MICAL3: variants seen among roughly 807,000 people sequenced by gnomAD.
MICAL3 encodes microtubule associated monooxygenase, calponin and LIM domain containing 3.
In MICAL3, 62 loss-of-function variants were observed where a neutral mutation model predicts 207.4. That is an observed-to-expected ratio of 0.30 (90% CI 0.24 to 0.37). The LOEUF is 0.37. MICAL3 is among the 10% of genes least tolerant of loss of function. MICAL3 has a pLI of 1.00. For missense variants in MICAL3, 2,368 were observed against 2,635.6 expected (o/e 0.90, Z 2.22); for synonymous variants, 1,077 against 1,069.3 (o/e 1.01, Z -0.14).
At chr22:17,817,206 C>G in intron 26 of MICAL3, 105 bp downstream of exon 26, 1 of 1,377,698 alleles carries the variant, frequency 7.3e-7, no homozygotes, top group South Asian at 1.5e-5. Context: ...TCCTGAGAAC[C>G]CTCGGCGGGG....
intron 1 of MICAL3, among the ~76,000 whole-genome samples, chr22:17,964,905 C>G (rs1399296776): frequency 1.3e-5 from 2 of 152,214 alleles, no homozygotes; most frequent in Non-Finnish European, 2.9e-5. Flanking sequence ...GCACTGCTGA[C>G]CGTAAGCGCA....
chr22:17,881,407 G>T, intron 16 of MICAL3: 1 of 930,874 alleles, frequency 1.1e-6, no homozygotes, highest in Non-Finnish European at 1.7e-6. Flanking sequence ...AGCACCCCAG[G>T]GAGGCCTTTC....
rs9618125 is a variant in MICAL3, at chr22:17,817,210, G to A, written c.5350+101C>T. The A allele has an allele frequency of 5.9e-3, 8,146 of 1,388,538 alleles. 401 individuals carry two copies. In the African/African-American group the frequency reaches 0.1, roughly 18 times the overall value. 86.0% of individuals were successfully genotyped at this position (1,388,538 alleles called of 1,614,324 possible). On this transcript the variant is annotated intron_variant, in intron 26 of 31. Coordinates refer to ENST00000441493, the MANE Select transcript of MICAL3 (RefSeq NM_015241.3). ...GTCAGCACGGCTCCTGAGAACCCTC[G>A]GCGGGGAGCGTGTGAGTGTGGATCC... is the stretch of plus-strand genomic sequence containing the variant.
At chr22:17,889,712 C>T (rs1265892415) in intron 12 of MICAL3, among the ~76,000 whole-genome samples, 1 of 152,148 alleles carries the variant, frequency 6.6e-6, no homozygotes, top group Non-Finnish European at 1.5e-5. Context: ...GAGGCTGAGG[C>T]AGGAGAATCA....
chr22:17,946,445 T>C (rs1268728536), intron 1 of MICAL3, among the ~76,000 whole-genome samples: 1 of 152,194 alleles, frequency 6.6e-6, no homozygotes, highest in Non-Finnish European at 1.5e-5. Flanking sequence ...TTTCATTTAG[T>C]GTAGGGAACT....
At chr22:17,930,096 C>G (rs1447132967) in intron 1 of MICAL3, among the ~76,000 whole-genome samples, 2 of 151,960 alleles carry the variant, frequency 1.3e-5, no homozygotes, top group African/African-American at 4.8e-5. Flanking sequence ...CACAGGAAGT[C>G]CATCAAAACC....
At chr22:18,013,746 C>T (rs565505640) in intron 1 of MICAL3, among the ~76,000 whole-genome samples, 3 of 152,200 alleles carry the variant, frequency 2.0e-5, no homozygotes, top group African/African-American at 7.2e-5. Flanking sequence ...ACTTTTAGTC[C>T]AAAGATTACT....
chr22:17,813,937 C>T (rs893083077), intron 27 of MICAL3: 15 of 152,164 alleles, frequency 9.9e-5, no homozygotes, highest in South Asian at 4.1e-4. Context: ...TCTTGTAGGT[C>T]GGGCTACAGG....
intron 21 of MICAL3, among the ~76,000 whole-genome samples, chr22:17,828,269 C>T (rs546170651): frequency 6.6e-6 from 1 of 152,370 alleles, no homozygotes; most frequent in Admixed American, 6.5e-5. Flanking sequence ...ACCACTCGCC[C>T]AGCTGATGGC....
chr22:17,857,540 C>CAGAA (rs1926070939), intron 19 of MICAL3, among the ~76,000 whole-genome samples: 1 of 152,332 alleles, frequency 6.6e-6, no homozygotes, highest in African/African-American at 2.4e-5. Context: ...TCACAGAACA[C>CAGAA]AGAATAAGGA....
chr22:17,865,023 A>G, intron 18 of MICAL3, 37 bp from the exon 19 acceptor site: 1 of 1,570,044 alleles, frequency 6.4e-7, no homozygotes, highest in East Asian at 2.3e-5. Flanking sequence ...AGTGACTCTG[A>G]CTGATGCACT....
chr22:17,848,479 G>A (rs1924876275), intron 19 of MICAL3, among the ~76,000 whole-genome samples: 1 of 152,156 alleles, frequency 6.6e-6, no homozygotes, highest in African/African-American at 2.4e-5. Flanking sequence ...AGCTGCAGAG[G>A]GACCCCACTG....
At chr22:17,858,964 G>GC (rs1014321358) in intron 19 of MICAL3, among the ~76,000 whole-genome samples, 3 of 152,064 alleles carry the variant, frequency 2.0e-5, no homozygotes, top group African/African-American at 4.8e-5. Flanking sequence ...CACTTATTGC[G>GC]CCCCCCACAT....
intron 29 of MICAL3, among the ~76,000 whole-genome samples, chr22:17,807,039 G>A (rs1392422106): frequency 6.6e-6 from 1 of 152,256 alleles, no homozygotes; most frequent in Non-Finnish European, 1.5e-5. Context: ...AACCTCATGA[G>A]TAAGGAGGGC....
chr22:17,829,590 C>T (rs547330629), intron 21 of MICAL3, among the ~76,000 whole-genome samples: 81 of 152,358 alleles, frequency 5.3e-4, no homozygotes, highest in African/African-American at 1.9e-3. Flanking sequence ...TCTACCTTCT[C>T]AGCAACAAAG....
At chr22:17,878,519 G>A (rs1399518616) in intron 16 of MICAL3, among the ~76,000 whole-genome samples, 1 of 152,202 alleles carries the variant, frequency 6.6e-6, no homozygotes, top group East Asian at 1.9e-4. Flanking sequence ...TCGGGTCCGA[G>A]GGGTAACCTA....
At chr22:17,976,581 A>ATT (rs1475653582) in intron 1 of MICAL3, among the ~76,000 whole-genome samples, 1 of 90,514 alleles carries the variant, frequency 1.1e-5, no homozygotes, top group African/African-American at 5.5e-5. Flanking sequence ...ATATATATAT[A>ATT]TATATATATT....
Position 17,819,102 on chromosome 22 carries a change from C to T in MICAL3, c.3559G>A (p.Ala1187Thr), listed in dbSNP as rs756753624. ...TCCTCAGGTGATTTCTCCTGGGTGG[C>T]GGCAGGGACAGGTGGGAGTTGGGGC... ...EGPQLPPVPA[A>T]TQEKSPEERL... The change falls in exon 26 of 32, where the codon GCC becomes ACC. Residue 1187 changes from alanine (A) to threonine (T), a missense_variant. This residue lies in a region of MICAL3 where 1,770 missense variants were observed against 1,863.2 expected (regional missense o/e 0.95). Coordinates refer to ENST00000441493, the MANE Select transcript of MICAL3 (RefSeq NM_015241.3). The T allele has an allele frequency of 7.4e-6, 11 of 1,489,166 alleles. No homozygotes were observed. Among genetic ancestry groups the T allele is most frequent in the South Asian group, 7.2e-5 (5 of 69,918 alleles). The allele number at this position is 1,489,166 out of a possible 1,614,324, so 92.2% of individuals were successfully genotyped here. A position where few individuals can be genotyped will look rare whatever the true frequency, so the allele number is the denominator to read the frequency against.
At position 17,788,042 on chromosome 22, in the gene MICAL3, C is replaced by T. The variant is rs1372062795; in HGVS notation, c.*2690G>A. The T allele has an allele frequency of 6.6e-6, 1 of 152,302 alleles. No homozygotes were observed. Among genetic ancestry groups the T allele is most frequent in the South Asian group, 2.1e-4 (1 of 4,838 alleles). The allele number at this position is 152,302 out of a possible 1,614,324, so 9.4% of individuals were successfully genotyped here. Reference sequence around the variant, plus strand: ...TGATATATGTGTATCCATCCTGCTTCCCTGCCTTCAAGGGAAGACTTAACT... The same window carrying T: ...TGATATATGTGTATCCATCCTGCTTTCCTGCCTTCAAGGGAAGACTTAACT... On this transcript the variant is annotated 3_prime_UTR_variant, in exon 32 of 32. Transcript: ENST00000441493.
Sources: allele counts gnomAD v4.1 joint callset (sites outside exome capture counted in the v4.1 genomes callset), GRCh38; gene constraint gnomAD v4.1.1; regional missense constraint gnomAD v4.1.1; transcripts MANE v1.5; gene names NCBI Gene and HGNC (gene_info 2026-07-23, HGNC 2026-07-21).